LTBP1: variants seen among roughly 807,000 people sequenced by gnomAD.
The protein encoded by LTBP1 is latent transforming growth factor beta binding protein 1, also known as latent-transforming growth factor beta-binding protein 1.
In LTBP1, 129 loss-of-function variants were observed where a neutral mutation model predicts 207.6. The ratio of observed to expected loss-of-function variants is 0.62; its 90% CI spans 0.54 to 0.72. The LOEUF is 0.72. Ranked by LOEUF, LTBP1 falls within the 30% of genes least tolerant of loss-of-function variation. LTBP1 has a pLI of 0.00. For synonymous variants in LTBP1, 963 were observed against 833.7 expected (o/e 1.16, Z -2.67); for missense variants, 2,281 against 2,217.2 (o/e 1.03, Z -0.58).
chr2:32,965,961 G>C (rs966281181), intron 2 of LTBP1, among the ~76,000 whole-genome samples: 1 of 152,172 alleles, frequency 6.6e-6, no homozygotes. Flanking sequence ...ACAAATGAGA[G>C]TTCCTATTGT....
At chr2:33,344,529 C>G (rs2094675612) in intron 25 of LTBP1, among the ~76,000 whole-genome samples, 1 of 152,140 alleles carries the variant, frequency 6.6e-6, no homozygotes, top group South Asian at 2.1e-4. Flanking sequence ...CTCTCCTTCC[C>G]TGAGCCCTGG....
At position 32,947,038 on chromosome 2, in the gene LTBP1, C is replaced by A; in HGVS notation, c.-287C>A. The A allele has an allele frequency of 3.9e-6, 1 of 257,550 alleles. No individual in the cohort carries two copies. 16.0% of individuals were successfully genotyped at this position (257,550 alleles called of 1,614,324 possible). A position where few individuals can be genotyped will look rare whatever the true frequency, so the allele number is the denominator to read the frequency against. ...GCGCTGCAACCCCCGGCCGGACGCG[C>A]GGACCCTCACCTTGCGCGGCCCGCT... On this transcript the variant is annotated 5_prime_UTR_variant, in exon 1 of 34. Transcript: ENST00000404816.
At position 33,134,950 on chromosome 2, in the gene LTBP1, C is replaced by A; in HGVS notation, c.1191C>A (p.Asn397Lys). The A allele has an allele frequency of 6.2e-7, 1 of 1,611,158 alleles. No individual in the cohort carries two copies. Among genetic ancestry groups the A allele is most frequent in the Admixed American group, 1.7e-5 (1 of 59,844 alleles). ...GHAADTLTAT[N>K]FRVVICHLPC... The stretch of plus-strand genomic sequence containing the variant: ...CTGCCGACACCCTGACGGCCACGAA[C>A]TTCCGAGTGGGTGAGTTCCTCCACG... Residue 397 changes from asparagine (N) to lysine (K), a missense_variant, in exon 5 of 34, where the codon AAC becomes AAA. Asn to Lys is a moderately conservative substitution (Grantham distance 94, BLOSUM62 0). Coordinates refer to ENST00000404816, the MANE Select transcript of LTBP1 (RefSeq NM_206943.4). The surrounding 1 kb of genome is among the most constrained non-coding windows in gnomAD (Gnocchi z 4.4).
chr2:33,309,578 C>T, intron 23 of LTBP1, 22 bp downstream of exon 23: 2 of 1,598,098 alleles, frequency 1.3e-6, no homozygotes, highest in South Asian at 1.1e-5. Context: ...TCTTTTTTCC[C>T]CAGTCATTAT....
intron 10 of LTBP1, among the ~76,000 whole-genome samples, chr2:33,244,048 C>A (rs1335504417): frequency 6.6e-6 from 1 of 152,106 alleles, no homozygotes; most frequent in African/African-American, 2.4e-5. Context: ...AGGAAATATG[C>A]TTTGATGAAA....
intron 5 of LTBP1, among the ~76,000 whole-genome samples, chr2:33,144,379 A>G (rs1350982703): frequency 2.0e-5 from 3 of 152,220 alleles, no homozygotes; most frequent in Non-Finnish European, 4.4e-5. Context: ...ACAATATTGT[A>G]GCACCATGTC....
At chr2:33,124,649 T>C (rs536071798) in intron 4 of LTBP1, among the ~76,000 whole-genome samples, 1 of 152,344 alleles carries the variant, frequency 6.6e-6, no homozygotes, top group Admixed American at 6.5e-5. Context: ...GAAGTGGTTA[T>C]AGATTTTGCT....
At chr2:33,324,966 A>G (rs1177692570) in intron 24 of LTBP1, among the ~76,000 whole-genome samples, 1 of 152,144 alleles carries the variant, frequency 6.6e-6, no homozygotes, top group African/African-American at 2.4e-5. Flanking sequence ...CGGCCTCCCA[A>G]AGTGCTGAGA....
intron 7 of LTBP1, among the ~76,000 whole-genome samples, chr2:33,207,090 G>A (rs1480413417): frequency 6.6e-6 from 1 of 152,186 alleles, no homozygotes; most frequent in African/African-American, 2.4e-5. Flanking sequence ...AGACTTGACT[G>A]TTGAAATGTT....
At position 33,008,197 on chromosome 2, in the gene LTBP1, T is replaced by C. The variant is rs117424456; in HGVS notation, c.566-12712T>C. Among the ~76,000 whole-genome samples the C allele has an allele frequency of 8.7e-4, 133 of 152,352 alleles. No homozygotes were observed. In the East Asian group the frequency reaches 0.021, roughly 24 times the overall value. ...ATAAAAGTCAACTTTTCAAACAGAT[T>C]ATACATGTTGATAATAGTGCTAGTC... is the stretch of plus-strand genomic sequence containing the variant. On this transcript the variant is annotated intron_variant, in intron 2 of 33. Coordinates refer to ENST00000404816, the MANE Select transcript of LTBP1 (RefSeq NM_206943.4).
At chr2:33,129,313 G>T (rs1486780680) in intron 4 of LTBP1, among the ~76,000 whole-genome samples, 7 of 152,148 alleles carry the variant, frequency 4.6e-5, no homozygotes, top group Admixed American at 3.9e-4. Context: ...TTCAGGACAG[G>T]CTCCGGACTG....
chr2:33,320,333 C>T (rs964153805), intron 24 of LTBP1, among the ~76,000 whole-genome samples: 4 of 150,712 alleles, frequency 2.7e-5, no homozygotes, highest in African/African-American at 9.8e-5. Flanking sequence ...CACACCACTG[C>T]ACTCCACCCT....
At chr2:33,248,958 C>T (rs2092594482) in intron 10 of LTBP1, among the ~76,000 whole-genome samples, 1 of 152,136 alleles carries the variant, frequency 6.6e-6, no homozygotes, top group African/African-American at 2.4e-5. Flanking sequence ...AGCTGCCTCT[C>T]AGACTCCTCA....
intron 3 of LTBP1, among the ~76,000 whole-genome samples, chr2:33,035,198 T>G (rs892685700): frequency 6.6e-6 from 1 of 152,254 alleles, no homozygotes; most frequent in Non-Finnish European, 1.5e-5. Flanking sequence ...ACAAATGAGT[T>G]TCTTAAAGCA....
chr2:33,094,259 A>T (rs1473671152), intron 3 of LTBP1, among the ~76,000 whole-genome samples: 1 of 152,052 alleles, frequency 6.6e-6, no homozygotes, highest in South Asian at 2.1e-4. Context: ...AATTTAGGGG[A>T]TTTCTGTTTC....
Position 32,969,482 on chromosome 2 carries a change from T to G in LTBP1, c.565+20537T>G, listed in dbSNP as rs565789005. 3.0e-3 allele frequency among the ~76,000 whole-genome samples: 459 copies of G among 152,268 alleles called. 1 individual carries two copies. Among genetic ancestry groups the G allele is most frequent in the Middle Eastern group, 0.014 (4 of 294 alleles). On this transcript the variant is annotated intron_variant, in intron 2 of 33. Transcript: ENST00000404816. The stretch of plus-strand genomic sequence containing the variant: ...TTGTTCTCTTCTTTATGTCCATGTG[T>G]ACTTGATGTTTAGCTCCCACTTGGA...
At chr2:33,068,783 TTAA>T (rs951724267) in intron 3 of LTBP1, among the ~76,000 whole-genome samples, 34 of 152,342 alleles carry the variant, frequency 2.2e-4, no homozygotes, top group Non-Finnish European at 3.7e-4. Context: ...TACTTTGTTA[TTAA>T]TATTATGTTT....
At chr2:33,320,690 C>G (rs1477516010) in intron 24 of LTBP1, among the ~76,000 whole-genome samples, 1 of 152,114 alleles carries the variant, frequency 6.6e-6, no homozygotes, top group Non-Finnish European at 1.5e-5. Context: ...ATTCTATTGT[C>G]CAGACAAGAA....
At chr2:33,259,453 ATTC>A (rs2092952183) in intron 12 of LTBP1, 132 bp from the exon 13 acceptor site, 2 of 557,112 alleles carry the variant, frequency 3.6e-6, no homozygotes. Flanking sequence ...GATGATCCTA[ATTC>A]TGCATTTGCT....
Sources: allele counts gnomAD v4.1 joint callset (sites outside exome capture counted in the v4.1 genomes callset), GRCh38; gene constraint gnomAD v4.1.1; non-coding constraint Gnocchi (gnomAD v3.1); transcripts MANE v1.5; gene names NCBI Gene and HGNC (gene_info 2026-07-23, HGNC 2026-07-21).